The following MYOM1 variants were observed in gnomAD, a reference collection of about 807,000 sequenced individuals.
The protein encoded by MYOM1 is myomesin-1.
In MYOM1, 164 loss-of-function variants were observed where a neutral mutation model predicts 205.3. The observed-to-expected ratio is 0.80, with a 90% CI of 0.70 to 0.91. MYOM1 has a LOEUF of 0.91. MYOM1 is among the 40% of genes least tolerant of loss of function. MYOM1 has a pLI of 0.00. For synonymous variants in MYOM1, 772 were observed against 789.4 expected (o/e 0.98, Z 0.37); for missense variants, 2,011 against 2,127.3 (o/e 0.95, Z 1.08).
At chr18:3,186,206 A>G (rs1002832730) in intron 5 of MYOM1, among the ~76,000 whole-genome samples, 21 of 152,132 alleles carry the variant, frequency 1.4e-4, no homozygotes, top group African/African-American at 5.1e-4. Flanking sequence ...AAAAAAGGAA[A>G]AAAAAAAAGA....
rs548611425 is a variant in MYOM1 at position 3,135,202 on chromosome 18, G to T, written c.2209+345C>A. On this transcript the variant is annotated intron_variant, in intron 15 of 37. Transcript: ENST00000356443. This position sits in a 1 kb window ranked among gnomAD's most constrained non-coding sequence, Gnocchi z 4.1. Reference sequence around the variant, plus strand: ...TGGACTCAGGTGATCTGCCTGCCTCGGCCTCCCAAAGTGCTCAGATTACAG... The same window carrying T: ...TGGACTCAGGTGATCTGCCTGCCTCTGCCTCCCAAAGTGCTCAGATTACAG... The T allele has an allele frequency of 7.2e-6, 2 of 277,564 alleles. No homozygotes were observed. Among genetic ancestry groups the T allele is most frequent in the East Asian group, 1.7e-4 (2 of 11,762 alleles). The allele number at this position is 277,564 out of a possible 1,614,324, so 17.2% of individuals were successfully genotyped here.
rs570482801 is a variant in MYOM1, at chr18:3,219,953, A to G, written c.-179T>C. Reference sequence around the variant, plus strand: ...CTGGGGGCCAGTTCAAAAATAATGCATGTGGTCAGGCAGTCGAATGTCAGG... The same window carrying G: ...CTGGGGGCCAGTTCAAAAATAATGCGTGTGGTCAGGCAGTCGAATGTCAGG... On this transcript the variant is annotated 5_prime_UTR_variant, in exon 1 of 38. The change abolishes an upstream ATG in the 5' untranslated region. Transcript: ENST00000356443. This position sits in a 1 kb window ranked among gnomAD's most constrained non-coding sequence, Gnocchi z 4.4. The G allele has an allele frequency of 6.6e-6, 1 of 152,352 alleles. No individual in the cohort carries two copies. Among genetic ancestry groups the G allele is most frequent in the African/African-American group, 2.4e-5 (1 of 41,582 alleles). 9.4% of individuals were successfully genotyped at this position (152,352 alleles called of 1,614,324 possible).
chr18:3,134,599 C>T, intron 16 of MYOM1, 51 bp downstream of exon 16: 1 of 1,547,752 alleles, frequency 6.5e-7, no homozygotes, highest in Non-Finnish European at 8.7e-7. Flanking sequence ...CCGTATGTGT[C>T]TATGGCAGCT....
At chr18:3,121,919 G>A (rs2079697829) in intron 19 of MYOM1, among the ~76,000 whole-genome samples, 1 of 152,202 alleles carries the variant, frequency 6.6e-6, no homozygotes, top group Non-Finnish European at 1.5e-5. Flanking sequence ...AGGAGTTTGA[G>A]ACCAGCCTGG....
chr18:3,112,516 C>T (rs1161031428), intron 21 of MYOM1, 104 bp from the exon 22 acceptor site: 2 of 762,032 alleles, frequency 2.6e-6, no homozygotes, highest in Non-Finnish European at 2.0e-6. Flanking sequence ...GATTTAGTGA[C>T]CTAGCACCAG....
rs569266327 is a variant in MYOM1, at chr18:3,178,378, G to A, written c.930-2244C>T. Among the ~76,000 whole-genome samples, 22 of 152,310 alleles carry A rather than the reference G, an allele frequency of 1.4e-4. No individual in the cohort carries two copies. In the South Asian group the frequency reaches 2.9e-3, roughly 20 times the overall value. ...CACACAGCCAGGAACAGCAGAGGAGGGATTTGAACCGGCAGCCTGGCTGCT... is the reference window on the plus strand; with the variant it reads ...CACACAGCCAGGAACAGCAGAGGAGAGATTTGAACCGGCAGCCTGGCTGCT... On this transcript the variant is annotated intron_variant, in intron 5 of 37. Coordinates refer to ENST00000356443, the MANE Select transcript of MYOM1 (RefSeq NM_003803.4).
chr18:3,164,705 AAAGTGC>A (rs768945261), intron 9 of MYOM1, among the ~76,000 whole-genome samples: 21 of 152,318 alleles, frequency 1.4e-4, no homozygotes, highest in Non-Finnish European at 2.2e-4. Flanking sequence ...AAGCAGAGAA[AAAGTGC>A]AATTAAAGGT....
rs953121276 is a variant in MYOM1, at chr18:3,209,372, C to T, written c.290+5562G>A. Among the ~76,000 whole-genome samples, 1 of 152,188 alleles carries T rather than the reference C, an allele frequency of 6.6e-6. No homozygotes were observed. The highest frequency in any genetic ancestry group is 2.4e-5 in the African/African-American group (1 of 41,428). On this transcript the variant is annotated intron_variant, in intron 2 of 37. Transcript: ENST00000356443. This position sits in a 1 kb window ranked among gnomAD's most constrained non-coding sequence, Gnocchi z 4.0. Reference sequence around the variant, plus strand: ...CATCCGCTCTTACTGCACATCTGGCCCTGGCTGGACTACAGCACTAGCCTC... The same window carrying T: ...CATCCGCTCTTACTGCACATCTGGCTCTGGCTGGACTACAGCACTAGCCTC...
At chr18:3,167,806 T>C (rs1273991406) in intron 9 of MYOM1, among the ~76,000 whole-genome samples, 1 of 152,252 alleles carries the variant, frequency 6.6e-6, no homozygotes, top group African/African-American at 2.4e-5. Context: ...TTACTTTAAA[T>C]ATACTTTAAC....
At chr18:3,202,242 C>G (rs187131674) in intron 2 of MYOM1, among the ~76,000 whole-genome samples, 4 of 152,104 alleles carry the variant, frequency 2.6e-5, no homozygotes, top group Admixed American at 6.5e-5. Context: ...TAAAAAGGTC[C>G]ATTTAATACA....
chr18:3,100,137 T>C lies in MYOM1; in HGVS notation c.3727+22A>G, dbSNP rs571485612. 6.3e-5 allele frequency: 101 copies of C among 1,613,312 alleles called. No individual in the cohort carries two copies. The South Asian group carries it at 1.0e-3, about 16-fold the overall frequency. ...GCCTAGTAAGACTGCTAAAAACCTG[T>C]GAATGTATTGTGGATACTTACTTGG... On this transcript the variant is annotated intron_variant, in intron 25 of 37. Transcript: ENST00000356443.
chr18:3,084,416 A>G (rs571805645), intron 31 of MYOM1, among the ~76,000 whole-genome samples: 12 of 152,336 alleles, frequency 7.9e-5, no homozygotes, highest in African/African-American at 2.6e-4. Context: ...TTAACCATGT[A>G]GGTCTCCTGG....
At chr18:3,188,682 C>G in intron 4 of MYOM1, 66 bp downstream of exon 4, 1 of 1,384,054 alleles carries the variant, frequency 7.2e-7, no homozygotes, top group South Asian at 1.5e-5. Flanking sequence ...CACACACACA[C>G]ACACACACAC....
Position 3,155,002 on chromosome 18 carries a change from A to AG in MYOM1, c.1587dup (p.Trp530LeufsTer18). On this transcript the variant is annotated frameshift_variant, in exon 11 of 38. Coordinates refer to ENST00000356443, the MANE Select transcript of MYOM1 (RefSeq NM_003803.4). LOFTEE classifies it high-confidence loss of function. ...CCTCCATCGACAGCTGGCTGTTTCC[A>AG]GGAGATGATGATATAATCTTTGTTG... The AG allele has an allele frequency of 6.2e-7, 1 of 1,613,276 alleles. No individual in the cohort carries two copies. The highest frequency in any genetic ancestry group is 8.5e-7 in the Non-Finnish European group (1 of 1,179,546).
chr18:3,107,759 C>T (rs2079470571), intron 22 of MYOM1, among the ~76,000 whole-genome samples: 1 of 152,210 alleles, frequency 6.6e-6, no homozygotes, highest in Admixed American at 6.5e-5. Context: ...TGTTTCTGAC[C>T]TCCAAGCTGC....
At chr18:3,172,009 C>T (rs540864715) in intron 8 of MYOM1, among the ~76,000 whole-genome samples, 1 of 152,316 alleles carries the variant, frequency 6.6e-6, no homozygotes, top group East Asian at 1.9e-4. Context: ...TAAACTGTTT[C>T]CTCATTGGCA....
chr18:3,168,086 T>C (rs2080498805), intron 9 of MYOM1, among the ~76,000 whole-genome samples: 1 of 152,196 alleles, frequency 6.6e-6, no homozygotes, highest in South Asian at 2.1e-4. Flanking sequence ...TATCAAAAAT[T>C]TCAAAATTAT....
intron 3 of MYOM1, among the ~76,000 whole-genome samples, chr18:3,191,099 T>C (rs1598756373): frequency 6.6e-6 from 1 of 152,238 alleles, no homozygotes; most frequent in South Asian, 2.1e-4. Context: ...CCTTCTATAA[T>C]GTGGACACAA....
At position 3,127,163 on chromosome 18, in the gene MYOM1, G is replaced by T. The variant is rs528201639; in HGVS notation, c.2795-266C>A. Among the ~76,000 whole-genome samples the T allele has an allele frequency of 4.6e-5, 7 of 151,458 alleles. No individual in the cohort carries two copies. In the East Asian group the frequency reaches 1.4e-3, roughly 29 times the overall value. ...AAAATGATTCTTTTCCCCATAAGAA[G>T]AAATATTTTTCCCAAGGTATAATTT... On this transcript the variant is annotated intron_variant, in intron 18 of 37. Transcript: ENST00000356443.
Sources: allele counts gnomAD v4.1 joint callset (sites outside exome capture counted in the v4.1 genomes callset), GRCh38; gene constraint gnomAD v4.1.1; non-coding constraint Gnocchi (gnomAD v3.1); transcripts MANE v1.5; gene names NCBI Gene and HGNC (gene_info 2026-07-23, HGNC 2026-07-21).